KAT14: variants seen among roughly 807,000 people sequenced by gnomAD.
The protein encoded by KAT14 is lysine acetyltransferase 14.
A neutral mutation model predicts 78.4 loss-of-function variants in KAT14; 66 were observed. The ratio of observed to expected loss-of-function variants is 0.84; its 90% CI spans 0.69 to 1.03. The LOEUF is 1.03. KAT14 is among the 50% of genes least tolerant of loss of function. KAT14 has a pLI of 0.00. For missense variants in KAT14, 870 were observed against 972.5 expected, an observed-to-expected ratio of 0.89 and a Z score of 1.40; for synonymous variants, 344 against 359.4, an observed-to-expected ratio of 0.96 and a Z score of 0.48.
At chr20:18,156,241 G>T (rs1292584424) in intron 4 of KAT14, among the ~76,000 whole-genome samples, 4 of 152,166 alleles carry the variant, frequency 2.6e-5, no homozygotes, top group Non-Finnish European at 5.9e-5. Flanking sequence ...GGCGGGGAGG[G>T]TGGAATTGGG....
intron 5 of KAT14, among the ~76,000 whole-genome samples, chr20:18,159,763 C>G (rs2038351883): frequency 6.6e-6 from 1 of 152,162 alleles, no homozygotes; most frequent in Admixed American, 6.6e-5. Context: ...TCTAAGAGAT[C>G]AGGATTCTTT....
At chr20:18,138,421 A>T in intron 1 of KAT14, 2 of 1,005,502 alleles carry the variant, frequency 2.0e-6, no homozygotes, top group South Asian at 4.7e-5. Context: ...TCCACATCTC[A>T]CTTGGGCCGC....
intron 10 of KAT14, 69 bp from the exon 11 acceptor site, chr20:18,187,217 T>C: frequency 1.3e-6 from 2 of 1,520,840 alleles, no homozygotes; most frequent in Non-Finnish European, 1.8e-6. Context: ...CTTAAAAGCG[T>C]TTCTTTACCT....
chr20:18,185,402 G>C (rs577231769), intron 10 of KAT14, among the ~76,000 whole-genome samples: 2 of 152,182 alleles, frequency 1.3e-5, no homozygotes, highest in African/African-American at 4.8e-5. Context: ...GGGTCTCACT[G>C]TGTTGCCTGG....
At chr20:18,181,454 C>T (rs1456078733) in intron 7 of KAT14, among the ~76,000 whole-genome samples, 1 of 149,520 alleles carries the variant, frequency 6.7e-6, no homozygotes, top group South Asian at 2.1e-4. Flanking sequence ...CTGCAAGCTC[C>T]GCCTCCTGGG....
intron 7 of KAT14, among the ~76,000 whole-genome samples, chr20:18,175,809 A>G (rs2039017835): frequency 6.6e-6 from 1 of 151,720 alleles, no homozygotes; most frequent in Admixed American, 6.6e-5. Flanking sequence ...ACTTGAGCTC[A>G]GGAGTTTGAG....
chr20:18,165,854 A>G (rs969292583), intron 7 of KAT14, among the ~76,000 whole-genome samples: 6 of 152,096 alleles, frequency 3.9e-5, no homozygotes, highest in Admixed American at 3.9e-4. Flanking sequence ...CAGCTTGCAG[A>G]AGGTCAAAGC....
intron 7 of KAT14, among the ~76,000 whole-genome samples, chr20:18,172,248 C>G (rs1393842183): frequency 6.6e-6 from 1 of 151,554 alleles, no homozygotes; most frequent in Non-Finnish European, 1.5e-5. Flanking sequence ...ACTAAAGGTG[C>G]GTGCCACCAC....
At chr20:18,155,332 A>C (rs1400217895) in intron 4 of KAT14, among the ~76,000 whole-genome samples, 1 of 152,192 alleles carries the variant, frequency 6.6e-6, no homozygotes, top group Non-Finnish European at 1.5e-5. Context: ...ATTAAAGTTT[A>C]AATGTAAAAA....
chr20:18,156,846 A>T (rs1402067274), intron 4 of KAT14, among the ~76,000 whole-genome samples: 1 of 152,186 alleles, frequency 6.6e-6, no homozygotes. Flanking sequence ...TAATGACCTC[A>T]TGATCACTGT....
At chr20:18,156,140 A>C (rs1373535698) in intron 4 of KAT14, among the ~76,000 whole-genome samples, 2 of 152,208 alleles carry the variant, frequency 1.3e-5, no homozygotes, top group Admixed American at 1.3e-4. Context: ...CAATCACAAG[A>C]AAACAAACAC....
At chr20:18,143,272 A>T in intron 2 of KAT14, 3 of 725,756 alleles carry the variant, frequency 4.1e-6, no homozygotes, top group Non-Finnish European at 5.2e-6. Flanking sequence ...AGTTTATAAA[A>T]ATTACTTTGT....
chr20:18,164,907 C>T (rs1372444925), intron 7 of KAT14, among the ~76,000 whole-genome samples: 1 of 152,054 alleles, frequency 6.6e-6, no homozygotes, highest in Non-Finnish European at 1.5e-5. Flanking sequence ...CAGGCATGAG[C>T]CATTGCGCCT....
intron 4 of KAT14, 121 bp downstream of exon 4, chr20:18,151,063 C>G: frequency 7.4e-7 from 1 of 1,345,726 alleles, no homozygotes; most frequent in Non-Finnish European, 1.0e-6. Flanking sequence ...GAGATAGAGT[C>G]TCCCAGGCTG....
At chr20:18,144,595 G>C (rs2037747593) in intron 2 of KAT14, among the ~76,000 whole-genome samples, 1 of 152,060 alleles carries the variant, frequency 6.6e-6, no homozygotes, top group Admixed American at 6.5e-5. Context: ...CTGCCCTGTG[G>C]TACACAGCAC....
At position 18,183,228 on chromosome 20, in the gene KAT14, C is replaced by T. The variant is rs769724153; in HGVS notation, c.1911C>T (p.Leu637=). The T allele has an allele frequency of 9.9e-6, 16 of 1,614,046 alleles. No individual in the cohort carries two copies. The highest frequency in any genetic ancestry group is 2.2e-5 in the East Asian group (1 of 44,898). ...PHWTPEPDAP[L]DYCYVRPNHI... ...GGACGCCGGAGCCCGACGCACCTCT[C>T]GATTACTGTTATGTGCGGCCAAATC... The change falls in exon 9 of 11, where the codon CTC becomes CTT. Residue 637 remains leucine, a synonymous_variant. Transcript: ENST00000688188.
chr20:18,150,968 A>G (rs1253012817), intron 4 of KAT14, 26 bp downstream of exon 4: 4 of 1,609,492 alleles, frequency 2.5e-6, no homozygotes, highest in African/African-American at 1.3e-5. Flanking sequence ...AAAATCTTAT[A>G]CTTCAAGGAA....
At chr20:18,139,995 G>A (rs910950772) in intron 1 of KAT14, among the ~76,000 whole-genome samples, 22 of 152,158 alleles carry the variant, frequency 1.4e-4, no homozygotes, top group African/African-American at 5.1e-4. Flanking sequence ...TTGTTAGAAA[G>A]GTAGTTCAGT....
intron 2 of KAT14, among the ~76,000 whole-genome samples, chr20:18,144,517 A>G (rs1359022134): frequency 6.6e-6 from 1 of 151,912 alleles, no homozygotes; most frequent in Non-Finnish European, 1.5e-5. Context: ...ACCCCTTTTC[A>G]CCTGGCCAAT....
Sources: allele counts gnomAD v4.1 joint callset (sites outside exome capture counted in the v4.1 genomes callset), GRCh38; gene constraint gnomAD v4.1.1; transcripts MANE v1.5; gene names NCBI Gene and HGNC (gene_info 2026-07-23, HGNC 2026-07-21).